UNC5C: variants seen among roughly 807,000 people sequenced by gnomAD.
UNC5C encodes unc-5 netrin receptor C.
Under a neutral mutation model 99.8 loss-of-function variants are expected in UNC5C, and 47 were observed. That is an observed-to-expected ratio of 0.47 (90% CI 0.37 to 0.60). The LOEUF is 0.60. Among genes scored for constraint, UNC5C ranks in the 20% least tolerant of loss-of-function variants. The probability of loss-of-function intolerance (pLI) is 0.00; values close to 1 mark genes in which losing one functional copy is unlikely to be tolerated. For missense variants in UNC5C, 1,062 were observed against 1,165.9 expected, an observed-to-expected ratio of 0.91 and a Z score of 1.30; for synonymous variants, 487 against 452.2, an observed-to-expected ratio of 1.08 and a Z score of -0.98.
intron 3 of UNC5C, among the ~76,000 whole-genome samples, chr4:95,285,515 A>C (rs1435370377): frequency 6.6e-6 from 1 of 152,236 alleles, no homozygotes; most frequent in East Asian, 1.9e-4. Context: ...GAGAGTTCTG[A>C]AATGAAAGGT....
At chr4:95,170,081 C>G in intron 15 of UNC5C, 73 bp downstream of exon 15, 1 of 1,528,306 alleles carries the variant, frequency 6.5e-7, no homozygotes, top group Non-Finnish European at 8.8e-7. Context: ...GAAGCTAACC[C>G]TACGTCTAAT....
intron 11 of UNC5C, among the ~76,000 whole-genome samples, 162 bp downstream of exon 11, chr4:95,206,466 A>G (rs1178028433): frequency 6.6e-6 from 1 of 152,150 alleles, no homozygotes; most frequent in African/African-American, 2.4e-5. Context: ...CAGAAGATAT[A>G]ACACTCAGGA....
chr4:95,302,053 A>G (rs1741902008), intron 2 of UNC5C, among the ~76,000 whole-genome samples: 1 of 152,180 alleles, frequency 6.6e-6, no homozygotes, highest in Non-Finnish European at 1.5e-5. Context: ...CTTCCTCTCT[A>G]TATTGAAATA....
At chr4:95,289,383 A>G (rs1308985161) in intron 3 of UNC5C, among the ~76,000 whole-genome samples, 1 of 152,198 alleles carries the variant, frequency 6.6e-6, no homozygotes, top group African/African-American at 2.4e-5. Flanking sequence ...TTCTGTACTT[A>G]GAAGAGCTTC....
chr4:95,348,797 T>C (rs1743874960), intron 1 of UNC5C, among the ~76,000 whole-genome samples: 1 of 151,576 alleles, frequency 6.6e-6, no homozygotes, highest in Non-Finnish European at 1.5e-5. Context: ...AAAAAAAGAC[T>C]GTTTCTGTCA....
chr4:95,224,514 A>T (rs1025691442), intron 7 of UNC5C, among the ~76,000 whole-genome samples: 2 of 152,216 alleles, frequency 1.3e-5, no homozygotes, highest in Non-Finnish European at 2.9e-5. Flanking sequence ...ACTTTCACAA[A>T]TATTATGTAG....
chr4:95,424,626 A>C (rs1443221510), intron 1 of UNC5C, among the ~76,000 whole-genome samples: 2 of 142,782 alleles, frequency 1.4e-5, no homozygotes, highest in Non-Finnish European at 3.0e-5. Flanking sequence ...GGTTCATGCC[A>C]TTCTCCTGCC....
intron 1 of UNC5C, among the ~76,000 whole-genome samples, chr4:95,511,738 G>A (rs1366228576): frequency 6.6e-6 from 1 of 152,086 alleles, no homozygotes; most frequent in Non-Finnish European, 1.5e-5. Flanking sequence ...CCCTTCCCTT[G>A]AAGGGTTTTC....
intron 1 of UNC5C, among the ~76,000 whole-genome samples, chr4:95,446,265 T>C (rs966703720): frequency 6.6e-6 from 1 of 151,576 alleles, no homozygotes; most frequent in Non-Finnish European, 1.5e-5. Context: ...GGAAAGGCTG[T>C]AGGAAAAAAA....
At chr4:95,533,694 C>A (rs1171186839) in intron 1 of UNC5C, among the ~76,000 whole-genome samples, 3 of 151,974 alleles carry the variant, frequency 2.0e-5, no homozygotes, top group Non-Finnish European at 4.4e-5. Flanking sequence ...AAGCATCGTT[C>A]TTGTTAGTTT....
intron 3 of UNC5C, among the ~76,000 whole-genome samples, chr4:95,294,471 G>A (rs542454622): frequency 1.3e-5 from 2 of 152,240 alleles, no homozygotes; most frequent in South Asian, 2.1e-4. Flanking sequence ...TTGCACACAC[G>A]ATCGAGAGGA....
In UNC5C at chr4:95,534,124, G is replaced by A. The variant is rs569002079; in HGVS notation, c.124+14610C>T. Among the ~76,000 whole-genome samples the A allele has an allele frequency of 1.1e-3, 166 of 152,268 alleles. 1 individual carries two copies. Among genetic ancestry groups the A allele is most frequent in the African/African-American group, 3.7e-3 (155 of 41,558 alleles). On this transcript the variant is annotated intron_variant, in intron 1 of 15. Coordinates refer to ENST00000453304, the MANE Select transcript of UNC5C (RefSeq NM_003728.4). ...CAGCACTTGAGGAAGTTGGGGAGGAGGGTTGGGCTAAAAAAATAAAAGAGT... is the reference window on the plus strand; with the variant it reads ...CAGCACTTGAGGAAGTTGGGGAGGAAGGTTGGGCTAAAAAAATAAAAGAGT...
chr4:95,195,318 C>T (rs57252050), intron 12 of UNC5C, among the ~76,000 whole-genome samples: 8,667 of 152,218 alleles, frequency 0.057, 725 homozygotes, highest in African/African-American at 0.18. Context: ...TGCTGTACCA[C>T]GCTCCCTCCC....
At chr4:95,186,687 A>G (rs1228342654) in intron 12 of UNC5C, among the ~76,000 whole-genome samples, 1 of 152,180 alleles carries the variant, frequency 6.6e-6, no homozygotes, top group Non-Finnish European at 1.5e-5. Context: ...TTAGTATCTA[A>G]TGGAAGAGAT....
chr4:95,439,432 T>C (rs1240283828), intron 1 of UNC5C, among the ~76,000 whole-genome samples: 6 of 150,938 alleles, frequency 4.0e-5, no homozygotes, highest in Non-Finnish European at 2.9e-5. Context: ...TAAGGGAAAG[T>C]TTATTTAACA....
intron 1 of UNC5C, among the ~76,000 whole-genome samples, chr4:95,339,019 G>A (rs1344829205): frequency 6.6e-6 from 1 of 152,068 alleles, no homozygotes; most frequent in Non-Finnish European, 1.5e-5. Flanking sequence ...GTCTACAAAT[G>A]TCAGGTAAAT....
At chr4:95,422,116 C>A (rs1164632723) in intron 1 of UNC5C, among the ~76,000 whole-genome samples, 1 of 152,240 alleles carries the variant, frequency 6.6e-6, no homozygotes, top group African/African-American at 2.4e-5. Context: ...GCAGCAACAG[C>A]TTCCCAGCTG....
chr4:95,245,735 C>CACTT lies in UNC5C; in HGVS notation c.776-595_776-592dup, dbSNP rs1335588340. 1.3e-5 allele frequency among the ~76,000 whole-genome samples: 2 copies of CACTT among 152,182 alleles called. 1 individual carries two copies. Among genetic ancestry groups the CACTT allele is most frequent in the East Asian group, 3.8e-4 (2 of 5,196 alleles). On this transcript the variant is annotated intron_variant, in intron 5 of 15. Coordinates refer to ENST00000453304, the MANE Select transcript of UNC5C (RefSeq NM_003728.4). The stretch of plus-strand genomic sequence containing the variant: ...GGCGATTAGTTGATATTGAAATAAA[C>CACTT]ACTTACTTTGTGTATAAAGGCCAAT...
intron 7 of UNC5C, among the ~76,000 whole-genome samples, chr4:95,234,530 G>T (rs1237030064): frequency 1.3e-5 from 2 of 152,048 alleles, no homozygotes; most frequent in Admixed American, 6.6e-5. Flanking sequence ...ATGTCATTTA[G>T]TGTACCACAG....
Sources: allele counts gnomAD v4.1 joint callset (sites outside exome capture counted in the v4.1 genomes callset), GRCh38; gene constraint gnomAD v4.1.1; transcripts MANE v1.5; gene names NCBI Gene and HGNC (gene_info 2026-07-23, HGNC 2026-07-21).